TRIM61: variants seen among roughly 807,000 people sequenced by gnomAD.
The protein encoded by TRIM61 is putative tripartite motif-containing protein 61.
In TRIM61, 1 loss-of-function variant was observed where a neutral mutation model predicts 14.2. That is an observed-to-expected ratio of 0.07 (90% CI 0.03 to 0.33). The LOEUF (loss-of-function observed/expected upper bound fraction) is 0.33, where lower values mean the gene tolerates loss of function less well. Among genes scored for constraint, TRIM61 ranks in the 10% least tolerant of loss-of-function variants. TRIM61 has a pLI of 0.99. For missense variants in TRIM61, 19 were observed against 202.2 expected (o/e 0.09, Z 5.49); for synonymous variants, 8 against 71.6 (o/e 0.11, Z 4.49).
At chr4:164,971,659 C>G (rs980618361) in intron 2 of TRIM61, among the ~76,000 whole-genome samples, 5 of 151,850 alleles carry the variant, frequency 3.3e-5, no homozygotes, top group African/African-American at 1.2e-4. Context: ...GGGGTGAATC[C>G]AGGGAAAAAG....
intron 2 of TRIM61, among the ~76,000 whole-genome samples, chr4:164,973,757 ATC>A (rs1186905085): frequency 1.3e-5 from 2 of 152,224 alleles, no homozygotes; most frequent in Non-Finnish European, 2.9e-5. Context: ...ATCTCAGAAA[ATC>A]TCTCAAGAGG....
At chr4:164,960,828 A>G (rs1579143168) in intron 3 of TRIM61, among the ~76,000 whole-genome samples, 2 of 151,956 alleles carry the variant, frequency 1.3e-5, no homozygotes, top group African/African-American at 2.4e-5. Context: ...ACACATGCCT[A>G]TAATACCAGC....
At chr4:164,968,445 C>T in intron 3 of TRIM61, 15 of 985,160 alleles carry the variant, frequency 1.5e-5, no homozygotes, top group Non-Finnish European at 1.8e-5. Flanking sequence ...CCCATAATCA[C>T]ATTTTTTGGA....
At chr4:164,957,744 C>A (rs948237228) in intron 3 of TRIM61, 4 of 418,264 alleles carry the variant, frequency 9.6e-6, no homozygotes, top group Admixed American at 4.2e-5. Flanking sequence ...GGATATGATA[C>A]GCACACTAGA....
At chr4:164,964,392 A>T (rs530287503) in intron 3 of TRIM61, among the ~76,000 whole-genome samples, 7 of 152,084 alleles carry the variant, frequency 4.6e-5, no homozygotes, top group African/African-American at 1.7e-4. Context: ...AAGGAGATGG[A>T]GAGCTTTTAA....
intron 3 of TRIM61, among the ~76,000 whole-genome samples, chr4:164,960,067 A>G (rs934032275): frequency 6.6e-6 from 1 of 152,188 alleles, no homozygotes; most frequent in Non-Finnish European, 1.5e-5. Flanking sequence ...GGAAGATTAT[A>G]TGAGGAAACA....
intron 2 of TRIM61, among the ~76,000 whole-genome samples, chr4:164,973,180 C>A (rs1160751912): frequency 6.6e-6 from 1 of 152,204 alleles, no homozygotes; most frequent in Non-Finnish European, 1.5e-5. Context: ...CATATAGTCA[C>A]AGGTTCAATT....
chr4:164,962,309 C>T (rs527802172), intron 3 of TRIM61, among the ~76,000 whole-genome samples: 1 of 151,462 alleles, frequency 6.6e-6, no homozygotes, highest in East Asian at 1.9e-4. Flanking sequence ...CAAGCTCCGC[C>T]TCCCGGGTTC....
chr4:164,970,694 A>G (rs1475433683), intron 2 of TRIM61, among the ~76,000 whole-genome samples: 1 of 152,054 alleles, frequency 6.6e-6, no homozygotes, highest in Non-Finnish European at 1.5e-5. Flanking sequence ...AAAAACAAGC[A>G]TTAAAAAAAA....
chr4:164,968,142 GGGGA>G, intron 3 of TRIM61, 135 bp downstream of exon 3: 1 of 984,044 alleles, frequency 1.0e-6, no homozygotes, highest in Non-Finnish European at 1.2e-6. Context: ...AACGAAAAAA[GGGGA>G]GGGGAGGGGA....
intron 3 of TRIM61, chr4:164,955,122 A>T (rs899466925): frequency 5.1e-6 from 1 of 196,454 alleles, no homozygotes; most frequent in African/African-American, 2.5e-5. Flanking sequence ...AAAAAAAATT[A>T]TTATGGTATT....
chr4:164,970,886 G>A (rs1732349950), intron 2 of TRIM61, among the ~76,000 whole-genome samples: 1 of 152,094 alleles, frequency 6.6e-6, no homozygotes, highest in African/African-American at 2.4e-5. Flanking sequence ...GCTCCCTTGA[G>A]GCCGGGAGTT....
At chr4:164,972,777 C>A (rs994073689) in intron 2 of TRIM61, among the ~76,000 whole-genome samples, 2 of 152,250 alleles carry the variant, frequency 1.3e-5, no homozygotes, top group Non-Finnish European at 2.9e-5. Flanking sequence ...GCATTAGCCA[C>A]CGCACCTGAC....
intron 2 of TRIM61, among the ~76,000 whole-genome samples, chr4:164,970,731 C>G (rs1396820105): frequency 1.3e-5 from 2 of 151,854 alleles, no homozygotes; most frequent in Admixed American, 6.6e-5. Context: ...GGAGAGGAAA[C>G]AAACATGATA....
chr4:164,966,823 G>A (rs1732252700), intron 3 of TRIM61, among the ~76,000 whole-genome samples: 1 of 152,082 alleles, frequency 6.6e-6, no homozygotes, highest in African/African-American at 2.4e-5. Flanking sequence ...AGAGGGTGCG[G>A]TGCTGAGGCT....
At chr4:164,971,031 G>A (rs1441244606) in intron 2 of TRIM61, among the ~76,000 whole-genome samples, 1 of 152,182 alleles carries the variant, frequency 6.6e-6, no homozygotes, top group Admixed American at 6.5e-5. Context: ...AACCCGGGAG[G>A]CAGATGTGGC....
chr4:164,965,322 C>T (rs752328716), intron 3 of TRIM61, among the ~76,000 whole-genome samples: 32 of 152,084 alleles, frequency 2.1e-4, no homozygotes, highest in Middle Eastern at 3.4e-3. Context: ...TAAATTGAAG[C>T]TTTACAATAG....
At chr4:164,957,588 A>C in intron 3 of TRIM61, 5 of 1,289,936 alleles carry the variant, frequency 3.9e-6, no homozygotes, top group Non-Finnish European at 5.3e-6. Flanking sequence ...AACTAAACCA[A>C]TCGTTATGTT....
chr4:164,958,311 G>A (rs569837710), intron 3 of TRIM61: 1 of 167,114 alleles, frequency 6.0e-6, no homozygotes, highest in South Asian at 2.1e-4. Flanking sequence ...AGTAATGTTA[G>A]GATTTGTTCT....
Sources: gnomAD v4.1 joint callset for allele counts (sites outside exome capture counted in the v4.1 genomes callset) on GRCh38, gnomAD v4.1.1 for gene constraint, MANE v1.5 for transcripts, NCBI Gene and HGNC (gene_info 2026-07-23, HGNC 2026-07-21) for gene names.